The following GLG1 variants were observed in gnomAD, a reference collection of about 807,000 sequenced individuals.
GLG1 encodes golgi glycoprotein 1.
GLG1 carries 38 observed loss-of-function variants against 160.5 expected under a neutral mutation model. The observed-to-expected ratio is 0.24, with a 90% CI of 0.18 to 0.31. GLG1 has a LOEUF of 0.31. Among genes scored for constraint, GLG1 ranks in the 10% least tolerant of loss-of-function variants. The probability of loss-of-function intolerance (pLI) is 1.00; values close to 1 mark genes in which losing one functional copy is unlikely to be tolerated. For synonymous variants in GLG1, 644 were observed against 543.4 expected, an observed-to-expected ratio of 1.19 and a Z score of -2.57; for missense variants, 1,373 against 1,505.2, an observed-to-expected ratio of 0.91 and a Z score of 1.45.
chr16:74,530,784 G>A (rs536734188), intron 2 of GLG1, among the ~76,000 whole-genome samples: 31 of 152,078 alleles, frequency 2.0e-4, no homozygotes, highest in African/African-American at 2.2e-4. Context: ...GTACAGGTGC[G>A]AACCCATTTA....
chr16:74,545,401 G>T (rs914469346), intron 1 of GLG1, among the ~76,000 whole-genome samples: 1 of 151,798 alleles, frequency 6.6e-6, no homozygotes, highest in African/African-American at 2.4e-5. Context: ...GGCTGGTCTC[G>T]CACTCCTAGG....
chr16:74,498,519 A>T lies in GLG1; in HGVS notation c.775-1875T>A, dbSNP rs2016295079. 2.9e-5 allele frequency among the ~76,000 whole-genome samples: 4 copies of T among 136,240 alleles called. No homozygotes were observed. The South Asian group carries it at 9.4e-4, about 32-fold the overall frequency. 89.4% of individuals were successfully genotyped at this position (136,240 alleles called of 152,430 possible). A position where few individuals can be genotyped will look rare whatever the true frequency, so the allele number is the denominator to read the frequency against. On this transcript the variant is annotated intron_variant, in intron 4 of 25. Transcript: ENST00000422840. ...TAGTGCTATCATTTATACACACGCA[A>T]TTAAAATCTTGTTATAATAAAATAC...
chr16:74,582,924 C>T (rs971480852), intron 1 of GLG1, among the ~76,000 whole-genome samples: 31 of 152,056 alleles, frequency 2.0e-4, no homozygotes, highest in Admixed American at 2.0e-3. Flanking sequence ...AGAAACCATG[C>T]TCTTTTCTCA....
chr16:74,581,534 T>TTA (rs71392076), intron 1 of GLG1, among the ~76,000 whole-genome samples: 7 of 132,044 alleles, frequency 5.3e-5, no homozygotes, highest in African/African-American at 2.0e-4. Context: ...ATGTAAGATT[T>TTA]AAAAAAAAAA....
intron 1 of GLG1, among the ~76,000 whole-genome samples, chr16:74,554,485 T>C (rs918897972): frequency 5.5e-4 from 84 of 152,270 alleles, no homozygotes; most frequent in African/African-American, 1.8e-3. Flanking sequence ...AGTGAGCAGA[T>C]TGCATCACTG....
intron 23 of GLG1, among the ~76,000 whole-genome samples, chr16:74,458,976 T>C (rs991500345): frequency 1.3e-5 from 2 of 152,178 alleles, no homozygotes; most frequent in Non-Finnish European, 2.9e-5. Context: ...CTCTAGTCCC[T>C]ATAAAACAAC....
At chr16:74,528,492 T>C (rs952515807) in intron 2 of GLG1, among the ~76,000 whole-genome samples, 1 of 152,088 alleles carries the variant, frequency 6.6e-6, no homozygotes, top group Non-Finnish European at 1.5e-5. Flanking sequence ...GTTTTCTTTT[T>C]ATCTTTTCGT....
intron 1 of GLG1, among the ~76,000 whole-genome samples, chr16:74,590,831 A>C (rs1311449455): frequency 2.0e-5 from 3 of 150,696 alleles, no homozygotes; most frequent in Non-Finnish European, 3.0e-5. Context: ...AAAGGAAAGC[A>C]TCACCACCAC....
chr16:74,579,520 G>C (rs142699849), intron 1 of GLG1, among the ~76,000 whole-genome samples: 6 of 149,544 alleles, frequency 4.0e-5, no homozygotes, highest in Non-Finnish European at 1.5e-5. Context: ...TCAGGAGTTC[G>C]AGACCAGCCT....
intron 2 of GLG1, among the ~76,000 whole-genome samples, chr16:74,520,183 G>C (rs1211918581): frequency 6.6e-6 from 1 of 152,048 alleles, no homozygotes; most frequent in Non-Finnish European, 1.5e-5. Flanking sequence ...TTCCATCAGG[G>C]ACTGGCTATT....
At chr16:74,504,027 T>C (rs967315416) in intron 3 of GLG1, among the ~76,000 whole-genome samples, 3 of 152,224 alleles carry the variant, frequency 2.0e-5, no homozygotes, top group Non-Finnish European at 4.4e-5. Flanking sequence ...GCTTAGGTAA[T>C]GCTCACTTCT....
chr16:74,483,974 A>T (rs2015699258), intron 9 of GLG1, among the ~76,000 whole-genome samples: 1 of 151,946 alleles, frequency 6.6e-6, no homozygotes, highest in African/African-American at 2.4e-5. Flanking sequence ...ATTTTCAATT[A>T]TCTTTTTTTT....
At chr16:74,593,013 T>C (rs929442358) in intron 1 of GLG1, among the ~76,000 whole-genome samples, 3 of 152,154 alleles carry the variant, frequency 2.0e-5, no homozygotes, top group African/African-American at 4.8e-5. Flanking sequence ...GTTCTGCACA[T>C]TCCTTGTGCA....
intron 2 of GLG1, among the ~76,000 whole-genome samples, chr16:74,522,668 T>G (rs1339017851): frequency 1.3e-5 from 2 of 152,182 alleles, no homozygotes; most frequent in East Asian, 3.8e-4. Context: ...CAGTTCATAC[T>G]CTTAATATTG....
At chr16:74,506,598 A>ACAAAAAC (rs1555511225) in intron 3 of GLG1, among the ~76,000 whole-genome samples, 1 of 144,578 alleles carries the variant, frequency 6.9e-6, no homozygotes, top group Non-Finnish European at 1.5e-5. Flanking sequence ...AAAAAAAAAA[A>ACAAAAAC]AAAAAACTCA....
chr16:74,474,999 A>G (rs2015346330), intron 12 of GLG1, among the ~76,000 whole-genome samples: 1 of 151,978 alleles, frequency 6.6e-6, no homozygotes, highest in Non-Finnish European at 1.5e-5. Flanking sequence ...CCTACTAAAA[A>G]TACAAAAATT....
intron 14 of GLG1, 152 bp downstream of exon 14, chr16:74,472,197 G>A (rs2015232385): frequency 4.9e-6 from 3 of 609,738 alleles, no homozygotes; most frequent in African/African-American, 3.7e-5. Context: ...ACCACACCCG[G>A]CCTGTTTACA....
At chr16:74,590,621 C>CA (rs11321370) in intron 1 of GLG1, among the ~76,000 whole-genome samples, 1,930 of 76,218 alleles carry the variant, frequency 0.025, 44 homozygotes, top group Middle Eastern at 0.036. Context: ...ACTCCGTCTC[C>CA]AAAAAAAAAA....
intron 1 of GLG1, among the ~76,000 whole-genome samples, chr16:74,567,237 G>A (rs2018681556): frequency 2.0e-5 from 3 of 151,922 alleles, no homozygotes; most frequent in Admixed American, 1.3e-4. Flanking sequence ...GAGACAGACA[G>A]AGAGAGGAGT....
Sources: gnomAD v4.1 joint callset for allele counts (sites outside exome capture counted in the v4.1 genomes callset) on GRCh38, gnomAD v4.1.1 for gene constraint, MANE v1.5 for transcripts, NCBI Gene and HGNC (gene_info 2026-07-23, HGNC 2026-07-21) for gene names.